Variants in CD274 observed in about 807,000 individuals in gnomAD.
CD274 encodes the protein CD274 molecule, also known as programmed cell death 1 ligand 1.
In CD274, 8 loss-of-function variants were observed where a neutral mutation model predicts 30.1. That is an observed-to-expected ratio of 0.27 (90% CI 0.16 to 0.48). CD274 has a LOEUF of 0.48. Ranked by LOEUF, CD274 falls within the 20% of genes least tolerant of loss-of-function variation. The pLI is 0.99. For missense variants in CD274, 353 were observed against 346.6 expected (o/e 1.02, Z -0.15); for synonymous variants, 152 against 124.6 (o/e 1.22, Z -1.46).
chr9:5,464,807 C>T (rs1036634510), intron 4 of CD274, among the ~76,000 whole-genome samples: 2 of 152,078 alleles, frequency 1.3e-5, no homozygotes, highest in Non-Finnish European at 2.9e-5. Flanking sequence ...GCAAGAGGGG[C>T]CAGGAGCGGA....
At chr9:5,457,625 A>G (rs1819330065) in intron 3 of CD274, among the ~76,000 whole-genome samples, 1 of 152,240 alleles carries the variant, frequency 6.6e-6, no homozygotes, top group African/African-American at 2.4e-5. Context: ...CCAGAGACAA[A>G]CAACACAGAG....
chr9:5,469,166 C>G lies in CD274; in HGVS notation c.*1304C>G, dbSNP rs943676932. ...AAAGAGAGGTCGGTACTTAAAATAA[C>G]CCTGAAAAATAACACTGGAATTCCT... On this transcript the variant is annotated 3_prime_UTR_variant, in exon 7 of 7. Transcript: ENST00000381577. 1 of 232,866 alleles carries G rather than the reference C, an allele frequency of 4.3e-6. No homozygotes were observed. The highest frequency in any genetic ancestry group is 5.6e-5 in the Admixed American group (1 of 17,764). The allele number at this position is 232,866 out of a possible 1,614,324, so 14.4% of individuals were successfully genotyped here. A position where few individuals can be genotyped will look rare whatever the true frequency, so the allele number is the denominator to read the frequency against.
intron 4 of CD274, 64 bp from the exon 5 acceptor site, chr9:5,465,435 C>A (rs1819480630): frequency 2.2e-6 from 2 of 928,448 alleles, no homozygotes; most frequent in East Asian, 2.4e-5. Context: ...GACCATTCTC[C>A]TGACCCCTTC....
At chr9:5,461,094 G>C (rs1018301057) in intron 3 of CD274, among the ~76,000 whole-genome samples, 12 of 152,160 alleles carry the variant, frequency 7.9e-5, no homozygotes, top group African/African-American at 2.9e-4. Flanking sequence ...ATATACCTTA[G>C]GGTGAACTTT....
rs1819505298 is a variant in CD274 at position 5,466,883 on chromosome 9, A to G, written c.850+54A>G. ...AAAAGTCAAAGGAAACAAAAAGCTA[A>G]AGCAATAACAAAGAGAAATCCATCA... On this transcript the variant is annotated intron_variant, in intron 6 of 6. Transcript: ENST00000381577. 4 of 1,306,400 alleles carry G rather than the reference A, an allele frequency of 3.1e-6. No homozygotes were observed. In the South Asian group the frequency reaches 3.7e-5, roughly 12 times the overall value. 80.9% of individuals were successfully genotyped at this position (1,306,400 alleles called of 1,614,324 possible).
Position 5,470,435 on chromosome 9 carries a change from C to T in CD274, c.*2573C>T, listed in dbSNP as rs983741321. On this transcript the variant is annotated 3_prime_UTR_variant, in exon 7 of 7. Transcript: ENST00000381577. ...GATACCTAATTCTGCATTTGATTGT[C>T]ACTTTTTGTACCTGCATTAATTTAA... 7.0e-5 allele frequency: 16 copies of T among 229,162 alleles called. No homozygotes were observed. Among genetic ancestry groups the T allele is most frequent in the African/African-American group, 3.3e-4 (15 of 45,236 alleles). The allele number at this position is 229,162 out of a possible 1,614,324, so 14.2% of individuals were successfully genotyped here. A position where few individuals can be genotyped will look rare whatever the true frequency, so the allele number is the denominator to read the frequency against.
chr9:5,450,802 C>T (rs889463930), intron 1 of CD274, among the ~76,000 whole-genome samples: 4 of 152,166 alleles, frequency 2.6e-5, no homozygotes, highest in African/African-American at 7.2e-5. Context: ...TTCCTCCAGG[C>T]GCGATTCAGT....
chr9:5,465,691 A>C, intron 5 of CD274, 85 bp downstream of exon 5: 2 of 806,774 alleles, frequency 2.5e-6, no homozygotes, highest in South Asian at 2.9e-5. Flanking sequence ...AACCCGACTT[A>C]ACCTCTGCAA....
intron 3 of CD274, among the ~76,000 whole-genome samples, chr9:5,460,114 G>A (rs1461946288): frequency 1.3e-5 from 2 of 151,986 alleles, no homozygotes; most frequent in Admixed American, 6.6e-5. Flanking sequence ...TACGAAAAGA[G>A]CACACAAAAA....
intron 3 of CD274, among the ~76,000 whole-genome samples, chr9:5,461,203 T>C (rs986339728): frequency 6.6e-6 from 1 of 152,156 alleles, no homozygotes; most frequent in Non-Finnish European, 1.5e-5. Flanking sequence ...TACCACCTCA[T>C]ACAGTGGCCG....
At chr9:5,462,163 A>G (rs1005823046) in intron 3 of CD274, among the ~76,000 whole-genome samples, 1 of 152,196 alleles carries the variant, frequency 6.6e-6, no homozygotes. Context: ...CACCAGGAAC[A>G]TATATCACTG....
At position 5,468,415 on chromosome 9, in the gene CD274, C is replaced by T. The variant is rs1336272816; in HGVS notation, c.*553C>T. 1.3e-5 allele frequency: 3 copies of T among 233,182 alleles called. No individual in the cohort carries two copies. Among genetic ancestry groups the T allele is most frequent in the East Asian group, 6.0e-5 (1 of 16,590 alleles). 14.4% of individuals were successfully genotyped at this position (233,182 alleles called of 1,614,324 possible). On this transcript the variant is annotated 3_prime_UTR_variant, in exon 7 of 7. Coordinates refer to ENST00000381577, the MANE Select transcript of CD274 (RefSeq NM_014143.4). Reference sequence around the variant, plus strand: ...ATTGTAGTAGATGTTACAATTTTGTCGCCAAACTAAACTTGCTGCTTAATG... The same window carrying T: ...ATTGTAGTAGATGTTACAATTTTGTTGCCAAACTAAACTTGCTGCTTAATG...
rs1229371141 is a variant in CD274 at position 5,457,313 on chromosome 9, A to C, written c.287A>C (p.Asn96Thr). The C allele has an allele frequency of 6.2e-7, 1 of 1,613,982 alleles. No individual in the cohort carries two copies. Among genetic ancestry groups the C allele is most frequent in the African/African-American group, 1.3e-5 (1 of 74,928 alleles). ...TTGAAGGACCAGCTCTCCCTGGGAA[A>C]TGCTGCACTTCAGATCACAGATGTG... ...RLLKDQLSLG[N>T]AALQITDVKL... Residue 96 changes from asparagine (N) to threonine (T), a missense_variant, in exon 3 of 7, where the codon AAT (asparagine) becomes ACT (threonine). Asn to Thr is a moderately conservative substitution (Grantham distance 65). Coordinates refer to ENST00000381577, the MANE Select transcript of CD274 (RefSeq NM_014143.4).
chr9:5,458,129 G>A (rs1035379111), intron 3 of CD274, among the ~76,000 whole-genome samples: 5 of 152,272 alleles, frequency 3.3e-5, no homozygotes, highest in East Asian at 3.9e-4. Flanking sequence ...TTAGTTCCTC[G>A]GTATTGACCC....
Position 5,466,705 on chromosome 9 carries a change from T to C in CD274, c.791-65T>C, listed in dbSNP as rs1010234475. 4 of 1,189,494 alleles carry C rather than the reference T, an allele frequency of 3.4e-6. No individual in the cohort carries two copies. The Admixed American group carries it at 6.3e-5, about 19-fold the overall frequency. The allele number at this position is 1,189,494 out of a possible 1,614,324, so 73.7% of individuals were successfully genotyped here. A position where few individuals can be genotyped will look rare whatever the true frequency, so the allele number is the denominator to read the frequency against. On this transcript the variant is annotated intron_variant, in intron 5 of 6. Coordinates refer to ENST00000381577, the MANE Select transcript of CD274 (RefSeq NM_014143.4). ...GTTTCACAGAACTTGAAATTTAAACTTGGGTCACTGTATGGGATGTAGAGC... is the reference window on the plus strand; with the variant it reads ...GTTTCACAGAACTTGAAATTTAAACCTGGGTCACTGTATGGGATGTAGAGC...
intron 1 of CD274, among the ~76,000 whole-genome samples, chr9:5,454,262 AATCTC>A (rs1819260879): frequency 6.6e-6 from 1 of 152,084 alleles, no homozygotes; most frequent in South Asian, 2.1e-4. Flanking sequence ...AAAAATCCAT[AATCTC>A]ATCTCTCTTT....
chr9:5,456,196 A>G (rs763817527), intron 2 of CD274, 31 bp downstream of exon 2: 7 of 1,348,364 alleles, frequency 5.2e-6, no homozygotes, highest in Non-Finnish European at 7.4e-6. Flanking sequence ...ATTAGGTTCT[A>G]TATTTTAAAT....
chr9:5,466,449 T>C (rs1819499176), intron 5 of CD274, among the ~76,000 whole-genome samples: 1 of 152,162 alleles, frequency 6.6e-6, no homozygotes, highest in Non-Finnish European at 1.5e-5. Context: ...GCATTTTGAA[T>C]ATTTCTCTGG....
intron 2 of CD274, 145 bp downstream of exon 2, chr9:5,456,310 T>C (rs1037082896): frequency 1.7e-6 from 1 of 579,588 alleles, no homozygotes; most frequent in Non-Finnish European, 3.0e-6. Flanking sequence ...AATGGCAAAG[T>C]CTTCTTTCTA....
Sources: gnomAD v4.1 joint callset for allele counts (sites outside exome capture counted in the v4.1 genomes callset) on GRCh38, gnomAD v4.1.1 for gene constraint, MANE v1.5 for transcripts, NCBI Gene and HGNC (gene_info 2026-07-23, HGNC 2026-07-21) for gene names.